MAGI1: variants seen among roughly 807,000 people sequenced by gnomAD.
The protein encoded by MAGI1 is membrane-associated guanylate kinase, WW and PDZ domain-containing protein 1.
In MAGI1, 58 loss-of-function variants were observed where a neutral mutation model predicts 139.9. That is an observed-to-expected ratio of 0.41 (90% CI 0.34 to 0.52). The LOEUF (loss-of-function observed/expected upper bound fraction) is 0.52, where lower values mean the gene tolerates loss of function less well. Ranked by LOEUF, MAGI1 falls within the 20% of genes least tolerant of loss-of-function variation. MAGI1 has a pLI of 0.12. For missense variants in MAGI1, 1,874 were observed against 1,901.6 expected (o/e 0.99, Z 0.27); for synonymous variants, 812 against 737.9 (o/e 1.10, Z -1.63).
At chr3:65,724,675 G>T (rs892532387) in intron 1 of MAGI1, among the ~76,000 whole-genome samples, 5 of 152,190 alleles carry the variant, frequency 3.3e-5, no homozygotes. Flanking sequence ...ATTTACAAAG[G>T]AAAGAGGTTT....
At chr3:65,898,498 C>CAACAA (rs897676905) in intron 1 of MAGI1, among the ~76,000 whole-genome samples, 1 of 151,910 alleles carries the variant, frequency 6.6e-6, no homozygotes, top group Non-Finnish European at 1.5e-5. Flanking sequence ...TAAAGAAAAA[C>CAACAA]AACAAAACAA....
intron 3 of MAGI1, among the ~76,000 whole-genome samples, chr3:65,483,677 CCAA>C (rs1951436451): frequency 6.6e-6 from 1 of 152,172 alleles, no homozygotes; most frequent in Admixed American, 6.5e-5. Flanking sequence ...GGGCTCCCTC[CCAA>C]GTGGAAACTT....
At chr3:65,836,300 A>T (rs967149477) in intron 1 of MAGI1, among the ~76,000 whole-genome samples, 5 of 152,234 alleles carry the variant, frequency 3.3e-5, no homozygotes, top group Non-Finnish European at 5.9e-5. Context: ...CACTCTACTC[A>T]GTGATATGTT....
At chr3:65,501,247 G>A (rs1020803362) in intron 2 of MAGI1, among the ~76,000 whole-genome samples, 6 of 151,978 alleles carry the variant, frequency 3.9e-5, no homozygotes, top group Non-Finnish European at 7.4e-5. Flanking sequence ...TTGGGAGGCC[G>A]AAGTGGATGG....
At chr3:65,958,240 A>T (rs917733940) in intron 1 of MAGI1, among the ~76,000 whole-genome samples, 20 of 152,222 alleles carry the variant, frequency 1.3e-4, no homozygotes, top group Non-Finnish European at 1.6e-4. Flanking sequence ...AGACTTACAC[A>T]GGAAAAAATA....
chr3:65,459,321 T>C (rs1285522364), intron 5 of MAGI1, among the ~76,000 whole-genome samples: 1 of 152,234 alleles, frequency 6.6e-6, no homozygotes, highest in African/African-American at 2.4e-5. Flanking sequence ...GAATTGTTTT[T>C]TATATTTCTG....
At chr3:65,727,044 A>C (rs2033699796) in intron 1 of MAGI1, among the ~76,000 whole-genome samples, 1 of 152,130 alleles carries the variant, frequency 6.6e-6, no homozygotes, top group East Asian at 1.9e-4. Flanking sequence ...AATTCCACAC[A>C]ATGTTAACAG....
intron 12 of MAGI1, among the ~76,000 whole-genome samples, chr3:65,411,007 GCATCTTCTCTCC>G (rs1945752566): frequency 6.6e-6 from 1 of 152,072 alleles, no homozygotes; most frequent in African/African-American, 2.4e-5. Context: ...GTGAACTATG[GCATCTTCTCTCC>G]AGAAAGGAAA....
chr3:65,640,950 T>A (rs2107237709), intron 1 of MAGI1, among the ~76,000 whole-genome samples: 1 of 152,306 alleles, frequency 6.6e-6, no homozygotes, highest in East Asian at 1.9e-4. Flanking sequence ...CCCTCTTTTT[T>A]GTTGCTTGAT....
At chr3:65,585,949 T>C (rs2081651637) in intron 2 of MAGI1, among the ~76,000 whole-genome samples, 1 of 152,152 alleles carries the variant, frequency 6.6e-6, no homozygotes, top group African/African-American at 2.4e-5. Context: ...GGCTCACACC[T>C]GTAATCCCAG....
chr3:65,734,745 G>T (rs137919613), intron 1 of MAGI1, among the ~76,000 whole-genome samples: 31 of 152,110 alleles, frequency 2.0e-4, no homozygotes, highest in African/African-American at 7.5e-4. Context: ...CTAACAATAA[G>T]CGAGTCCTCT....
At chr3:65,442,251 G>C (rs1163412190) in intron 8 of MAGI1, among the ~76,000 whole-genome samples, 1 of 152,080 alleles carries the variant, frequency 6.6e-6, no homozygotes, top group Non-Finnish European at 1.5e-5. Context: ...TCAGGCAAGA[G>C]AGAAACAAAG....
intron 1 of MAGI1, among the ~76,000 whole-genome samples, chr3:65,776,102 T>A (rs2038396290): frequency 6.6e-6 from 1 of 152,176 alleles, no homozygotes; most frequent in Admixed American, 6.5e-5. Flanking sequence ...TTGTCCTTCC[T>A]ACTTAGTTTG....
intron 15 of MAGI1, 70 bp downstream of exon 15, chr3:65,383,462 G>T: frequency 8.8e-7 from 1 of 1,130,100 alleles, no homozygotes; most frequent in Non-Finnish European, 1.4e-6. Flanking sequence ...TTGGTGATTT[G>T]TCACTGTCGC....
chr3:65,524,269 CGAT>C (rs1163740512), intron 2 of MAGI1, among the ~76,000 whole-genome samples: 1 of 152,114 alleles, frequency 6.6e-6, no homozygotes, highest in Non-Finnish European at 1.5e-5. Context: ...TATCTGGAAA[CGAT>C]GGAGTCTCTC....
chr3:65,794,721 G>A (rs1244399131), intron 1 of MAGI1, among the ~76,000 whole-genome samples: 1 of 151,860 alleles, frequency 6.6e-6, no homozygotes, highest in Non-Finnish European at 1.5e-5. Context: ...AAAAGAGGGG[G>A]CAAAGAAAAG....
At chr3:65,742,677 C>G (rs545069919) in intron 1 of MAGI1, among the ~76,000 whole-genome samples, 1 of 152,352 alleles carries the variant, frequency 6.6e-6, no homozygotes, top group South Asian at 2.1e-4. Flanking sequence ...TACAACCACA[C>G]TACTTCATGC....
At chr3:65,369,102 A>T (rs974553081) in intron 18 of MAGI1, among the ~76,000 whole-genome samples, 1 of 152,046 alleles carries the variant, frequency 6.6e-6, no homozygotes, top group African/African-American at 2.4e-5. Context: ...CCTTGCCCAT[A>T]TCTCACAGGA....
chr3:65,396,260 T>A (rs1034976462), intron 13 of MAGI1, among the ~76,000 whole-genome samples: 12 of 152,216 alleles, frequency 7.9e-5, no homozygotes, highest in Non-Finnish European at 1.6e-4. Context: ...TATGCTGATA[T>A]TTTTGAAGCA....
Sources: allele counts gnomAD v4.1 joint callset (sites outside exome capture counted in the v4.1 genomes callset), GRCh38; gene constraint gnomAD v4.1.1; transcripts MANE v1.5; gene names NCBI Gene and HGNC (gene_info 2026-07-23, HGNC 2026-07-21).